The following CLASP2 variants were observed in gnomAD, a reference collection of about 807,000 sequenced individuals.
The protein encoded by CLASP2 is cytoplasmic linker associated protein 2, also known as CLIP-associating protein 2.
In CLASP2, 47 loss-of-function variants were observed where a neutral mutation model predicts 194.4. The observed-to-expected ratio is 0.24, with a 90% CI of 0.19 to 0.31. CLASP2 has a LOEUF of 0.31. CLASP2 is among the 10% of genes least tolerant of loss of function. The pLI, the probability that CLASP2 is intolerant of heterozygous loss-of-function variation, is 1.00. For missense variants in CLASP2, 1,445 were observed against 1,823.6 expected, an observed-to-expected ratio of 0.79 and a Z score of 3.78; for synonymous variants, 619 against 633.5, an observed-to-expected ratio of 0.98 and a Z score of 0.34.
At chr3:33,554,143 G>A (rs530779382) in intron 29 of CLASP2, among the ~76,000 whole-genome samples, 119 of 150,728 alleles carry the variant, frequency 7.9e-4, no homozygotes, top group Non-Finnish European at 1.4e-3. Flanking sequence ...CAGGAGAATC[G>A]CTTGAACATG....
intron 27 of CLASP2, among the ~76,000 whole-genome samples, chr3:33,565,799 G>A (rs578109717): frequency 4.0e-5 from 6 of 151,416 alleles, no homozygotes; most frequent in East Asian, 2.0e-4. Context: ...GTGAAAGAGC[G>A]AGACTCCGTC....
At chr3:33,679,113 A>T (rs2089356957) in intron 6 of CLASP2, among the ~76,000 whole-genome samples, 1 of 152,192 alleles carries the variant, frequency 6.6e-6, no homozygotes, top group African/African-American at 2.4e-5. Flanking sequence ...TCTTTGGAAA[A>T]GGGACAAAGT....
chr3:33,532,688 A>AT (rs1272945903), intron 34 of CLASP2, among the ~76,000 whole-genome samples: 1 of 152,094 alleles, frequency 6.6e-6, no homozygotes, highest in Non-Finnish European at 1.5e-5. Flanking sequence ...AAGAAATTTT[A>AT]TTTTTTGTAA....
intron 8 of CLASP2, among the ~76,000 whole-genome samples, chr3:33,641,945 T>C (rs1015016037): frequency 6.6e-6 from 1 of 151,946 alleles, no homozygotes; most frequent in Non-Finnish European, 1.5e-5. Flanking sequence ...CACCATTCAA[T>C]GTAAAATCAT....
At chr3:33,631,291 C>T (rs1178325493) in intron 9 of CLASP2, among the ~76,000 whole-genome samples, 1 of 152,138 alleles carries the variant, frequency 6.6e-6, no homozygotes, top group African/African-American at 2.4e-5. Context: ...TAAAACAACC[C>T]TACAGGGTAA....
intron 8 of CLASP2, among the ~76,000 whole-genome samples, chr3:33,639,683 A>C (rs2154302097): frequency 6.6e-6 from 1 of 152,322 alleles, no homozygotes; most frequent in South Asian, 2.1e-4. Context: ...AATCATACGT[A>C]CTGTATAATC....
At chr3:33,552,360 G>A (rs779225568) in intron 29 of CLASP2, among the ~76,000 whole-genome samples, 7 of 152,006 alleles carry the variant, frequency 4.6e-5, no homozygotes, top group Admixed American at 1.3e-4. Context: ...CTCATGATCC[G>A]CCTGCCTCAG....
chr3:33,627,232 T>C (rs1314466944), intron 9 of CLASP2, 152 bp from the exon 10 acceptor site: 4 of 652,452 alleles, frequency 6.1e-6, no homozygotes, highest in Non-Finnish European at 8.3e-6. Flanking sequence ...TTATAGACAA[T>C]AATAACACAA....
intron 1 of CLASP2, among the ~76,000 whole-genome samples, chr3:33,710,037 C>G (rs2092923779): frequency 1.3e-5 from 2 of 152,164 alleles, no homozygotes; most frequent in African/African-American, 4.8e-5. Flanking sequence ...ATTTGTGACA[C>G]AGTGATGGGG....
chr3:33,707,584 A>G (rs1392694714), intron 1 of CLASP2, among the ~76,000 whole-genome samples: 1 of 152,184 alleles, frequency 6.6e-6, no homozygotes, highest in Non-Finnish European at 1.5e-5. Flanking sequence ...ACACACACAA[A>G]AAAGAGACCT....
intron 18 of CLASP2, among the ~76,000 whole-genome samples, chr3:33,598,275 G>C (rs952025661): frequency 1.3e-5 from 2 of 151,546 alleles, no homozygotes; most frequent in Non-Finnish European, 2.9e-5. Context: ...CAAGTCACCT[G>C]TTAGCACATG....
chr3:33,503,013 T>C (rs1254653801), intron 37 of CLASP2: 1 of 152,216 alleles, frequency 6.6e-6, no homozygotes, highest in Non-Finnish European at 1.5e-5. Flanking sequence ...CTGCTAAATT[T>C]TTCCTATTAC....
intron 24 of CLASP2, among the ~76,000 whole-genome samples, chr3:33,573,650 C>CGA (rs2064232670): frequency 6.6e-6 from 1 of 152,054 alleles, no homozygotes; most frequent in Admixed American, 6.6e-5. Context: ...TTCCTTTCCC[C>CGA]TTTTCACGAA....
chr3:33,645,994 G>C (rs1171633353), intron 7 of CLASP2, among the ~76,000 whole-genome samples: 1 of 150,224 alleles, frequency 6.7e-6, no homozygotes, highest in African/African-American at 2.5e-5. Context: ...TTACTCTCCT[G>C]AGAAGAGATG....
At chr3:33,540,231 A>AT (rs1280316140) in intron 32 of CLASP2, among the ~76,000 whole-genome samples, 86 of 101,554 alleles carry the variant, frequency 8.5e-4, no homozygotes, top group African/African-American at 2.7e-3. Flanking sequence ...TGACTGGCCA[A>AT]ATTTTTTTTT....
intron 34 of CLASP2, among the ~76,000 whole-genome samples, chr3:33,518,980 T>C (rs933207585): frequency 6.6e-6 from 1 of 152,324 alleles, no homozygotes; most frequent in Non-Finnish European, 1.5e-5. Flanking sequence ...CTGCTTCTTA[T>C]ACTCTGTGAT....
At chr3:33,512,672 A>G (rs2050222507) in intron 36 of CLASP2, among the ~76,000 whole-genome samples, 1 of 139,206 alleles carries the variant, frequency 7.2e-6, no homozygotes, top group Non-Finnish European at 1.5e-5. Context: ...AGAAAGGTAC[A>G]GTGGGACATA....
rs546584845 is a variant in CLASP2 at position 33,559,581 on chromosome 3, T to C, written c.2931-196A>G. Reference sequence around the variant, plus strand: ...AGAAGAATATGAACATCTGAATTTGTACTCAGTACAGGGTTAAAAAGTAAC... The same window carrying C: ...AGAAGAATATGAACATCTGAATTTGCACTCAGTACAGGGTTAAAAAGTAAC... On this transcript the variant is annotated intron_variant, in intron 28 of 38. Transcript: ENST00000682230. 3.9e-4 allele frequency among the ~76,000 whole-genome samples: 60 copies of C among 152,280 alleles called. No individual in the cohort carries two copies. In the South Asian group the frequency reaches 6.8e-3, roughly 17 times the overall value.
At chr3:33,574,435 T>C (rs951093652) in intron 24 of CLASP2, 42 of 1,336,738 alleles carry the variant, frequency 3.1e-5, no homozygotes, top group African/African-American at 9.0e-5. Context: ...AAAAAAGTTA[T>C]GGTATCATAA....
Sources: gnomAD v4.1 joint callset for allele counts (sites outside exome capture counted in the v4.1 genomes callset) on GRCh38, gnomAD v4.1.1 for gene constraint, MANE v1.5 for transcripts, NCBI Gene and HGNC (gene_info 2026-07-23, HGNC 2026-07-21) for gene names.